The following PDE1A variants were observed in gnomAD, a reference collection of about 807,000 sequenced individuals.
PDE1A encodes the protein dual specificity calcium/calmodulin-dependent 3',5'-cyclic nucleotide phosphodiesterase 1A.
PDE1A carries 35 observed loss-of-function variants against 61.7 expected under a neutral mutation model. That is an observed-to-expected ratio of 0.57 (90% confidence interval 0.43 to 0.75). PDE1A has a LOEUF of 0.75. PDE1A is among the 30% of genes least tolerant of loss of function. PDE1A has a pLI of 0.00. For missense variants in PDE1A, 597 were observed against 630.6 expected (o/e 0.95, Z 0.57); for synonymous variants, 232 against 213.2 (o/e 1.09, Z -0.77).
At chr2:182,252,400 C>G (rs1448783108) in intron 2 of PDE1A, among the ~76,000 whole-genome samples, 1 of 152,114 alleles carries the variant, frequency 6.6e-6, no homozygotes, top group Non-Finnish European at 1.5e-5. Flanking sequence ...CTCACTGACT[C>G]AAGTTGTAAA....
intron 1 of PDE1A, among the ~76,000 whole-genome samples, chr2:182,304,395 T>C (rs1695445835): frequency 6.6e-6 from 1 of 152,236 alleles, no homozygotes; most frequent in African/African-American, 2.4e-5. Context: ...GCTGTTTTGC[T>C]TTCTTATAAT....
At chr2:182,198,853 A>G (rs1380900069) in intron 10 of PDE1A, among the ~76,000 whole-genome samples, 1 of 151,972 alleles carries the variant, frequency 6.6e-6, no homozygotes, top group African/African-American at 2.4e-5. Context: ...CCTCTATGTC[A>G]TAAAAGAATT....
At chr2:182,680,367 C>G in the PDE1A span, among the ~76,000 whole-genome samples, 1 of 151,966 alleles carries the variant, frequency 6.6e-6, no homozygotes, top group Non-Finnish European at 1.5e-5. Flanking sequence ...TGCATCACCA[C>G]GCCTGGCTAA....
intron 2 of PDE1A, among the ~76,000 whole-genome samples, chr2:182,439,461 T>C (rs1014488569): frequency 6.6e-6 from 1 of 151,956 alleles, no homozygotes; most frequent in Non-Finnish European, 1.5e-5. Flanking sequence ...TCAGCAAAGA[T>C]GTCAGAGAGA....
chr2:182,553,713 G>T, the PDE1A span, among the ~76,000 whole-genome samples: 1 of 152,168 alleles, frequency 6.6e-6, no homozygotes, highest in Admixed American at 6.5e-5. Flanking sequence ...TCTCACAGGA[G>T]GTTTCATTTA....
intron 1 of PDE1A, among the ~76,000 whole-genome samples, chr2:182,270,191 A>G (rs1256937633): frequency 6.6e-6 from 1 of 152,190 alleles, no homozygotes; most frequent in East Asian, 1.9e-4. Flanking sequence ...AAAAATAGCA[A>G]TACCATCTTT....
At chr2:182,472,269 C>T (rs939512881) in intron 2 of PDE1A, among the ~76,000 whole-genome samples, 1 of 151,670 alleles carries the variant, frequency 6.6e-6, no homozygotes, top group Non-Finnish European at 1.5e-5. Flanking sequence ...GTCTATTTAT[C>T]ACAGAACTAT....
chr2:182,463,056 C>A (rs570183189), intron 2 of PDE1A, among the ~76,000 whole-genome samples: 3 of 151,838 alleles, frequency 2.0e-5, no homozygotes, highest in African/African-American at 7.3e-5. Context: ...GCCTGGCCAA[C>A]GGGGAGAAAC....
chr2:182,152,826 A>G (rs775743933), intron 13 of PDE1A, among the ~76,000 whole-genome samples: 1 of 152,234 alleles, frequency 6.6e-6, no homozygotes, highest in Non-Finnish European at 1.5e-5. Flanking sequence ...ACAGGACTGC[A>G]CACTAGGCAG....
intron 2 of PDE1A, among the ~76,000 whole-genome samples, chr2:182,252,275 C>T (rs1011276943): frequency 6.6e-6 from 1 of 151,936 alleles, no homozygotes; most frequent in East Asian, 1.9e-4. Flanking sequence ...TTAGTCACAT[C>T]CTGTTTAATG....
At chr2:182,508,122 TA>T (rs926122995) in intron 2 of PDE1A, among the ~76,000 whole-genome samples, 1 of 151,518 alleles carries the variant, frequency 6.6e-6, no homozygotes, top group African/African-American at 2.4e-5. Context: ...TTTTTTTTTT[TA>T]AGGATAAAAA....
At chr2:182,627,434 A>ATC in the PDE1A span, among the ~76,000 whole-genome samples, 19 of 132,984 alleles carry the variant, frequency 1.4e-4, no homozygotes, top group East Asian at 1.6e-3. Context: ...ATTTAAATAT[A>ATC]TATATATAAA....
chr2:182,465,459 T>G (rs1005725925), intron 2 of PDE1A, among the ~76,000 whole-genome samples: 3 of 152,072 alleles, frequency 2.0e-5, no homozygotes, highest in Non-Finnish European at 4.4e-5. Flanking sequence ...ATTGATACAT[T>G]CAATTAAGAG....
chr2:182,233,110 T>C (rs1050909511), intron 4 of PDE1A, among the ~76,000 whole-genome samples: 2 of 152,222 alleles, frequency 1.3e-5, no homozygotes, highest in African/African-American at 2.4e-5. Context: ...TAGTTGGTTT[T>C]TAAGCAAAAA....
At chr2:182,580,913 A>C in the PDE1A span, among the ~76,000 whole-genome samples, 700 of 152,198 alleles carry the variant, frequency 4.6e-3, 5 homozygotes, top group South Asian at 0.021. Context: ...CTTGCAAAAA[A>C]ATGATCTCCC....
chr2:182,696,648 C>G, the PDE1A span, among the ~76,000 whole-genome samples: 2 of 152,106 alleles, frequency 1.3e-5, no homozygotes, highest in South Asian at 4.1e-4. Context: ...AATGCAGGTT[C>G]ATTAATTGTA....
At chr2:182,639,971 T>A in the PDE1A span, among the ~76,000 whole-genome samples, 2 of 108,934 alleles carry the variant, frequency 1.8e-5, no homozygotes, top group African/African-American at 3.1e-5. Flanking sequence ...GGTCTATTCC[T>A]GTTTAAAGGA....
the PDE1A span, among the ~76,000 whole-genome samples, chr2:182,695,564 G>C: frequency 2.0e-5 from 3 of 151,636 alleles, no homozygotes; most frequent in Non-Finnish European, 4.4e-5. Context: ...CTACTTGGGA[G>C]GCTGAGGCAG....
the PDE1A span, among the ~76,000 whole-genome samples, chr2:182,701,192 G>A: frequency 2.6e-5 from 2 of 77,998 alleles, no homozygotes; most frequent in African/African-American, 6.5e-5. Flanking sequence ...CTGCCACCAC[G>A]CCCGGCTAAT....
Sources: allele counts gnomAD v4.1 joint callset (sites outside exome capture counted in the v4.1 genomes callset), GRCh38; gene constraint gnomAD v4.1.1; transcripts MANE v1.5; gene names NCBI Gene and HGNC (gene_info 2026-07-23, HGNC 2026-07-21).